TNRC18: variants seen among roughly 807,000 people sequenced by gnomAD.
The protein encoded by TNRC18 is trinucleotide repeat containing 18.
In TNRC18, 69 loss-of-function variants were observed where a neutral mutation model predicts 226.7. That is an observed-to-expected ratio of 0.30 (90% CI 0.25 to 0.37). The LOEUF is 0.37. TNRC18 is among the 10% of genes least tolerant of loss of function. The pLI is 1.00. For missense variants in TNRC18, 4,754 were observed against 4,256.6 expected, an observed-to-expected ratio of 1.12 and a Z score of -3.25; for synonymous variants, 2,449 against 1,927.6, an observed-to-expected ratio of 1.27 and a Z score of -7.09.
At chr7:5,406,065 T>C (rs1458483772) in intron 2 of TNRC18, among the ~76,000 whole-genome samples, 1 of 152,156 alleles carries the variant, frequency 6.6e-6, no homozygotes, top group African/African-American at 2.4e-5. Context: ...ATCCAGCCAG[T>C]GGAATATTAT....
intron 11 of TNRC18, among the ~76,000 whole-genome samples, chr7:5,368,051 G>GAAA (rs61667235): frequency 1.4e-5 from 2 of 146,390 alleles, no homozygotes; most frequent in African/African-American, 2.5e-5. Flanking sequence ...TTGCAACGGA[G>GAAA]AAAAAAAAAA....
chr7:5,412,057 C>A (rs923211081), intron 2 of TNRC18, among the ~76,000 whole-genome samples: 2 of 151,690 alleles, frequency 1.3e-5, no homozygotes, highest in African/African-American at 4.8e-5. Context: ...TGTGGTGGAA[C>A]GCACCTGTAG....
intron 13 of TNRC18, 83 bp downstream of exon 13, chr7:5,361,814 G>C (rs529428612): frequency 6.6e-7 from 1 of 1,518,624 alleles, no homozygotes; most frequent in Admixed American, 2.1e-5. Flanking sequence ...CCGGGTCCAC[G>C]CACACCTCGA....
chr7:5,376,759 C>A, intron 8 of TNRC18, 88 bp downstream of exon 8: 1 of 1,504,304 alleles, frequency 6.6e-7, no homozygotes, highest in Non-Finnish European at 9.0e-7. Context: ...CGGCCGCCAC[C>A]CCTCAGCAGG....
intron 24 of TNRC18, among the ~76,000 whole-genome samples, chr7:5,318,483 G>A (rs1788061127): frequency 6.6e-6 from 1 of 152,110 alleles, no homozygotes; most frequent in African/African-American, 2.4e-5. Context: ...CCAAGTTCCA[G>A]GGAAAACATG....
At chr7:5,390,451 C>G in intron 4 of TNRC18, 34 bp downstream of exon 4, 1 of 1,612,972 alleles carries the variant, frequency 6.2e-7, no homozygotes. Context: ...CAGAAGGCCC[C>G]TGTGCCACCC....
chr7:5,356,615 C>T (rs10274937), intron 16 of TNRC18, among the ~76,000 whole-genome samples: 6 of 152,012 alleles, frequency 3.9e-5, no homozygotes, highest in Admixed American at 2.0e-4. Flanking sequence ...AGGCAAATGG[C>T]GGGCGGGCAA....
intron 2 of TNRC18, among the ~76,000 whole-genome samples, chr7:5,402,170 C>A (rs1781146130): frequency 8.2e-6 from 1 of 121,512 alleles, no homozygotes; most frequent in Admixed American, 9.5e-5. Flanking sequence ...CACAGCGAGA[C>A]TCTGTCTCAA....
intron 3 of TNRC18, among the ~76,000 whole-genome samples, chr7:5,391,772 G>C (rs1041365531): frequency 6.7e-6 from 1 of 149,860 alleles, no homozygotes; most frequent in Non-Finnish European, 1.5e-5. Context: ...CGATGGGGGA[G>C]GATTGCTTGA....
At chr7:5,403,147 C>T (rs911794580) in intron 2 of TNRC18, among the ~76,000 whole-genome samples, 2 of 148,606 alleles carry the variant, frequency 1.3e-5, no homozygotes, top group Non-Finnish European at 3.0e-5. Flanking sequence ...TAACCAAACA[C>T]ATTACATTTT....
intron 1 of TNRC18, chr7:5,422,846 C>G (rs1269139783): frequency 1.3e-5 from 2 of 152,230 alleles, no homozygotes; most frequent in Non-Finnish European, 2.9e-5. Flanking sequence ...TCGCCACATC[C>G]GAGGATACAT....
chr7:5,399,218 G>A (rs1167933983), intron 2 of TNRC18, among the ~76,000 whole-genome samples: 3 of 152,120 alleles, frequency 2.0e-5, no homozygotes, highest in African/African-American at 7.2e-5. Flanking sequence ...GGGGCACTGA[G>A]TTAGGCCCAG....
chr7:5,401,274 T>G (rs557436620), intron 2 of TNRC18, among the ~76,000 whole-genome samples: 1 of 151,942 alleles, frequency 6.6e-6, no homozygotes, highest in South Asian at 2.1e-4. Context: ...GGATATAAGT[T>G]CCTTAAACAG....
chr7:5,421,013 T>A, intron 2 of TNRC18, 47 bp downstream of exon 2: 4 of 1,544,204 alleles, frequency 2.6e-6, no homozygotes, highest in Non-Finnish European at 2.6e-6. Context: ...GCCGAGTGGA[T>A]CTCCCTGGGA....
chr7:5,372,234 ATTTT>A (rs754751204), intron 10 of TNRC18, among the ~76,000 whole-genome samples: 1 of 141,628 alleles, frequency 7.1e-6, no homozygotes, highest in Non-Finnish European at 1.5e-5. Context: ...TGCCTGGCTA[ATTTT>A]TTTTTTTTTT....
intron 18 of TNRC18, among the ~76,000 whole-genome samples, chr7:5,339,731 G>A (rs1397906615): frequency 6.6e-6 from 1 of 151,654 alleles, no homozygotes. Context: ...CACCACATCT[G>A]GATAATTTTT....
At chr7:5,404,935 G>A (rs775918790) in intron 2 of TNRC18, among the ~76,000 whole-genome samples, 1 of 151,874 alleles carries the variant, frequency 6.6e-6, no homozygotes, top group Non-Finnish European at 1.5e-5. Context: ...ACAACACGGT[G>A]AAACCCAGTC....
At chr7:5,391,106 A>G (rs1328764334) in intron 3 of TNRC18, among the ~76,000 whole-genome samples, 1 of 152,014 alleles carries the variant, frequency 6.6e-6, no homozygotes, top group Admixed American at 6.6e-5. Context: ...AGCCTAACAC[A>G]GGCCCTTTCT....
In TNRC18 at chr7:5,320,435, G is replaced by A; in HGVS notation, c.6637-9C>T. 1 of 1,561,980 alleles carries A rather than the reference G, an allele frequency of 6.4e-7. No homozygotes were observed. Among genetic ancestry groups the A allele is most frequent in the Non-Finnish European group, 8.7e-7 (1 of 1,153,074 alleles). ...GGCCTCACATCGATGATCTAGAAGGGCATGGGATGAGTGCAAGGTGTGGAC... is the reference window on the plus strand; with the variant it reads ...GGCCTCACATCGATGATCTAGAAGGACATGGGATGAGTGCAAGGTGTGGAC... On this transcript the variant is annotated splice_polypyrimidine_tract_variant and intron_variant, in intron 23 of 29. Coordinates refer to ENST00000430969, the MANE Select transcript of TNRC18 (RefSeq NM_001080495.3).
Sources: gnomAD v4.1 joint callset for allele counts (sites outside exome capture counted in the v4.1 genomes callset) on GRCh38, gnomAD v4.1.1 for gene constraint, MANE v1.5 for transcripts, NCBI Gene and HGNC (gene_info 2026-07-23, HGNC 2026-07-21) for gene names.